Variants in N4BP2L2 observed in about 807,000 individuals in gnomAD.
N4BP2L2 encodes NEDD4-binding protein 2-like 2.
N4BP2L2 carries 50 observed loss-of-function variants against 56.2 expected under a neutral mutation model. The observed-to-expected ratio is 0.89, with a 90% confidence interval of 0.71 to 1.13. The LOEUF (loss-of-function observed/expected upper bound fraction) is 1.13. N4BP2L2 is among the 50% of genes most tolerant of loss of function. N4BP2L2 has a pLI of 0.00. For missense variants in N4BP2L2, 689 were observed against 693.8 expected, an observed-to-expected ratio of 0.99 and a Z score of 0.08; for synonymous variants, 203 against 223.6, an observed-to-expected ratio of 0.91 and a Z score of 0.82.
intron 6 of N4BP2L2, among the ~76,000 whole-genome samples, chr13:32,469,961 T>A (rs2081998793): frequency 6.6e-6 from 1 of 152,198 alleles, no homozygotes. Context: ...CGCAGCCACA[T>A]GTGGACTTGG....
chr13:32,527,663 T>TA, intron 2 of N4BP2L2, 131 bp from the exon 3 acceptor site: 1 of 980,816 alleles, frequency 1.0e-6, no homozygotes, highest in South Asian at 1.5e-5. Flanking sequence ...TTCTGATACT[T>TA]ACCTGAAAGT....
At chr13:32,510,710 G>C (rs1417608216) in exon 6 of N4BP2L2, 2 of 152,044 alleles carry the variant, frequency 1.3e-5, no homozygotes, top group African/African-American at 4.8e-5. Flanking sequence ...CGTTGGCCAG[G>C]CTGGTCTCCA....
intron 6 of N4BP2L2, among the ~76,000 whole-genome samples, chr13:32,496,595 T>G (rs1397988737): frequency 6.6e-6 from 1 of 152,216 alleles, no homozygotes; most frequent in Non-Finnish European, 1.5e-5. Context: ...ATGTTTTCCA[T>G]GTAGAAGACA....
exon 7 of N4BP2L2, chr13:32,443,454 A>G: frequency 1.2e-6 from 2 of 1,613,886 alleles, no homozygotes; most frequent in South Asian, 1.1e-5. Context: ...AAGCCCAGTG[A>G]TTGATTTTAG....
chr13:32,433,931 CAAAAAA>C (rs60540916), intron 9 of N4BP2L2, among the ~76,000 whole-genome samples: 2 of 86,088 alleles, frequency 2.3e-5, no homozygotes, highest in African/African-American at 4.7e-5. Flanking sequence ...GACCGTGTCT[CAAAAAA>C]AAAAAAAAAA....
intron 6 of N4BP2L2, among the ~76,000 whole-genome samples, chr13:32,503,504 A>G (rs1024681870): frequency 9.2e-5 from 14 of 152,202 alleles, no homozygotes; most frequent in African/African-American, 2.9e-4. Context: ...AAAGCTATAT[A>G]TTCAAGAGTA....
rs73173035 is a variant in N4BP2L2, at chr13:32,516,828, T to C, written c.*974A>G. On this transcript the variant is annotated 3_prime_UTR_variant, in exon 6 of 6. Coordinates refer to ENST00000267068, the Ensembl canonical transcript of N4BP2L2. ...TCATGTTGCAAAGAGAAATGCTTAATTATCTAGGTTAGTCTAGGTAAAGCT... is the reference window on the plus strand; with the variant it reads ...TCATGTTGCAAAGAGAAATGCTTAACTATCTAGGTTAGTCTAGGTAAAGCT... 2,098 of 861,182 alleles carry C rather than the reference T, an allele frequency of 2.4e-3. 4 individuals are homozygous for C. Among genetic ancestry groups the C allele is most frequent in the Non-Finnish European group, 2.7e-3 (1,950 of 716,824 alleles). The allele number at this position is 861,182 out of a possible 1,614,324, so 53.3% of individuals were successfully genotyped here.
exon 6 of N4BP2L2, chr13:32,513,801 T>C (rs2048628160): frequency 6.6e-6 from 1 of 152,176 alleles, no homozygotes; most frequent in Admixed American, 6.5e-5. Flanking sequence ...TTATTAGTTA[T>C]TGTATTCATG....
intron 6 of N4BP2L2, among the ~76,000 whole-genome samples, chr13:32,488,630 A>AT (rs1464327847): frequency 1.3e-5 from 2 of 152,246 alleles, no homozygotes; most frequent in African/African-American, 4.8e-5. Flanking sequence ...ATGTGTTTGT[A>AT]TATTTATATA....
At chr13:32,467,295 T>C (rs1412060728) in intron 6 of N4BP2L2, among the ~76,000 whole-genome samples, 1 of 151,838 alleles carries the variant, frequency 6.6e-6, no homozygotes, top group Non-Finnish European at 1.5e-5. Flanking sequence ...TCTCCCTCTG[T>C]TACCCAGGCT....
chr13:32,453,237 C>CA (rs1235564215), intron 6 of N4BP2L2, among the ~76,000 whole-genome samples: 3 of 152,126 alleles, frequency 2.0e-5, no homozygotes, highest in African/African-American at 7.2e-5. Context: ...GCCTGGGTGA[C>CA]AGAGGGAGAC....
chr13:32,490,808 G>A (rs1447729755), intron 6 of N4BP2L2, among the ~76,000 whole-genome samples: 1 of 152,240 alleles, frequency 6.6e-6, no homozygotes, highest in Admixed American at 6.5e-5. Context: ...TGCCACCGCT[G>A]ATCTGACAGG....
At position 32,536,621 on chromosome 13, in the gene N4BP2L2, C is replaced by T. The variant is rs749237490; in HGVS notation, c.407G>A (p.Arg136His). ...ATGTGCCTCATTCCTCCCTTCATTA[C>T]GTTTCTTTTTCTCAGGGGGTTTGTA... is the stretch of plus-strand genomic sequence containing the variant. Residue 136 changes from arginine to histidine, a missense_variant, in exon 2 of 6, where the codon CGT (arginine) becomes CAT (histidine). By Grantham distance (29) the Arg-to-His change is conservative (BLOSUM62 0). Transcript: ENST00000267068. The T allele has an allele frequency of 9.9e-6, 16 of 1,613,728 alleles. No homozygotes were observed. The Admixed American group carries it at 1.0e-4, about 10-fold the overall frequency.
chr13:32,494,048 G>A (rs544627899), intron 6 of N4BP2L2, among the ~76,000 whole-genome samples: 22 of 151,854 alleles, frequency 1.4e-4, no homozygotes, highest in Non-Finnish European at 3.1e-4. Flanking sequence ...TGAGGTGGGC[G>A]GATCACTTGA....
intron 9 of N4BP2L2, chr13:32,432,976 C>T (rs2075004667): frequency 6.6e-6 from 1 of 152,256 alleles, no homozygotes; most frequent in African/African-American, 2.4e-5. Flanking sequence ...AACTCAACTA[C>T]AAGCAAACAC....
At chr13:32,479,967 C>T (rs954362020) in intron 6 of N4BP2L2, among the ~76,000 whole-genome samples, 1 of 151,942 alleles carries the variant, frequency 6.6e-6, no homozygotes, top group Non-Finnish European at 1.5e-5. Context: ...AGATTTATCA[C>T]TGATAAATTT....
intron 6 of N4BP2L2, among the ~76,000 whole-genome samples, chr13:32,473,948 G>C (rs116694467): frequency 7.9e-5 from 12 of 152,256 alleles, no homozygotes; most frequent in African/African-American, 2.6e-4. Flanking sequence ...TTAAGACATG[G>C]CTACCTTTGG....
intron 6 of N4BP2L2, among the ~76,000 whole-genome samples, chr13:32,459,702 A>G (rs1464075892): frequency 6.6e-6 from 1 of 152,166 alleles, no homozygotes; most frequent in East Asian, 1.9e-4. Flanking sequence ...CAAACTTATA[A>G]CGAACATCCT....
At chr13:32,535,895 A>G (rs766001048) in exon 2 of N4BP2L2, 2 of 1,614,110 alleles carry the variant, frequency 1.2e-6, no homozygotes, top group South Asian at 2.2e-5. Flanking sequence ...ATGCTTGTCC[A>G]TACAATGATC....
Sources: gnomAD v4.1 joint callset for allele counts (sites outside exome capture counted in the v4.1 genomes callset) on GRCh38, gnomAD v4.1.1 for gene constraint, MANE v1.5 for transcripts, NCBI Gene and HGNC (gene_info 2026-07-23, HGNC 2026-07-21) for gene names.